Variants in B3GALT1 observed in about 807,000 individuals in gnomAD.
B3GALT1 encodes the protein UDP-Gal:betaGlcNAc beta 1,3-galactosyltransferase, polypeptide 1.
B3GALT1 carries 10 observed loss-of-function variants against 23.2 expected under a neutral mutation model. The observed-to-expected ratio is 0.43, with a 90% CI of 0.27 to 0.73. B3GALT1 has a LOEUF of 0.73. B3GALT1 is among the 30% of genes least tolerant of loss of function. The pLI is 0.21. For missense variants in B3GALT1, 299 were observed against 405.4 expected (o/e 0.74, Z 2.25); for synonymous variants, 156 against 141.5 (o/e 1.10, Z -0.73).
intron 1 of B3GALT1, among the ~76,000 whole-genome samples, chr2:167,298,853 T>A (rs912685051): frequency 6.6e-6 from 1 of 151,760 alleles, no homozygotes; most frequent in Admixed American, 6.6e-5. Context: ...TAAAAGCTAC[T>A]GCATTTTTTT....
At chr2:167,680,898 G>A (rs762995687) in intron 3 of B3GALT1, among the ~76,000 whole-genome samples, 4 of 152,104 alleles carry the variant, frequency 2.6e-5, no homozygotes, top group Non-Finnish European at 2.9e-5. Flanking sequence ...AATCTGATCC[G>A]ATATCAGAAA....
intron 4 of B3GALT1, among the ~76,000 whole-genome samples, chr2:167,838,361 C>A (rs1350643760): frequency 6.6e-6 from 1 of 152,280 alleles, no homozygotes; most frequent in African/African-American, 2.4e-5. Context: ...ACCGATCCCA[C>A]AGAAATACAA....
intron 1 of B3GALT1, among the ~76,000 whole-genome samples, chr2:167,317,554 C>T (rs920858077): frequency 6.6e-6 from 1 of 152,122 alleles, no homozygotes; most frequent in Admixed American, 6.5e-5. Context: ...TTCCAAAAGA[C>T]ACTTCTATAT....
chr2:167,688,862 C>T (rs1486140050), intron 3 of B3GALT1, among the ~76,000 whole-genome samples: 1 of 152,084 alleles, frequency 6.6e-6, no homozygotes, highest in Non-Finnish European at 1.5e-5. Context: ...CTGTAGTCAG[C>T]ATCCACAAGT....
chr2:167,661,594 C>T (rs1186416991), intron 3 of B3GALT1, among the ~76,000 whole-genome samples: 1 of 152,060 alleles, frequency 6.6e-6, no homozygotes, highest in Non-Finnish European at 1.5e-5. Flanking sequence ...GTACCAGAAG[C>T]ACCCATCTCC....
intron 1 of B3GALT1, among the ~76,000 whole-genome samples, chr2:167,489,657 G>A (rs890724200): frequency 1.3e-5 from 2 of 152,016 alleles, no homozygotes; most frequent in Admixed American, 6.6e-5. Context: ...GACTTGATGG[G>A]GTACTTTGGG....
At chr2:167,588,700 T>C (rs1684619504) in intron 2 of B3GALT1, among the ~76,000 whole-genome samples, 1 of 152,024 alleles carries the variant, frequency 6.6e-6, no homozygotes. Flanking sequence ...TTTGCTTATA[T>C]GTTTTTTCTA....
intron 2 of B3GALT1, among the ~76,000 whole-genome samples, chr2:167,576,685 G>A (rs1456879717): frequency 6.6e-6 from 1 of 151,626 alleles, no homozygotes; most frequent in Non-Finnish European, 1.5e-5. Flanking sequence ...CAGAGGAGCA[G>A]TGTTTATTAG....
chr2:167,416,141 A>C (rs535542366), intron 1 of B3GALT1, among the ~76,000 whole-genome samples: 1 of 152,338 alleles, frequency 6.6e-6, no homozygotes, highest in South Asian at 2.1e-4. Context: ...TGGTAGAAGA[A>C]GACCCTGGAA....
chr2:167,640,041 T>A (rs4999797), intron 2 of B3GALT1, among the ~76,000 whole-genome samples: 1 of 152,144 alleles, frequency 6.6e-6, no homozygotes, highest in Non-Finnish European at 1.5e-5. Context: ...TCAGCACTGC[T>A]ACAGGCAATA....
chr2:167,309,722 GATTTC>G lies in B3GALT1; in HGVS notation c.-511+16392_-511+16396del, dbSNP rs536379645. On this transcript the variant is annotated intron_variant, in intron 1 of 4. Transcript: ENST00000392690. ...AAAAGTTAAGTTGATAGTTTTGACA[GATTTC>G]ATTAGGCAAATACATATTTGACAAA... Among the ~76,000 whole-genome samples, 640 of 152,164 alleles carry G rather than the reference GATTTC, an allele frequency of 4.2e-3. 3 individuals carry two copies. The highest frequency in any genetic ancestry group is 0.014 in the African/African-American group (590 of 41,554).
intron 4 of B3GALT1, among the ~76,000 whole-genome samples, chr2:167,825,710 T>TAGAA (rs1689208133): frequency 1.3e-5 from 2 of 152,180 alleles, no homozygotes; most frequent in Admixed American, 1.3e-4. Context: ...CCAGCTCCTG[T>TAGAA]AGAAATGAGA....
chr2:167,534,612 A>C (rs1051042398), intron 2 of B3GALT1, among the ~76,000 whole-genome samples: 2 of 152,214 alleles, frequency 1.3e-5, no homozygotes, highest in African/African-American at 4.8e-5. Context: ...GAATGCATCA[A>C]AAAGAGATCC....
chr2:167,480,454 G>A (rs553116961), intron 1 of B3GALT1, among the ~76,000 whole-genome samples: 2 of 152,290 alleles, frequency 1.3e-5, no homozygotes, highest in East Asian at 3.9e-4. Flanking sequence ...AGGTTTCACA[G>A]CTAGGGCTGC....
At chr2:167,439,876 A>G (rs62194955) in intron 1 of B3GALT1, among the ~76,000 whole-genome samples, 4,308 of 150,980 alleles carry the variant, frequency 0.029, 88 homozygotes, top group Non-Finnish European at 0.046. Flanking sequence ...ACATTTTTCC[A>G]TTATCCCTCT....
chr2:167,708,478 T>C (rs1233956053), intron 3 of B3GALT1, among the ~76,000 whole-genome samples: 1 of 152,060 alleles, frequency 6.6e-6, no homozygotes, highest in African/African-American at 2.4e-5. Flanking sequence ...CTGACCAACA[T>C]GGAGAAACCC....
intron 3 of B3GALT1, among the ~76,000 whole-genome samples, chr2:167,664,301 G>C (rs946926275): frequency 6.6e-6 from 1 of 151,414 alleles, no homozygotes; most frequent in Non-Finnish European, 1.5e-5. Flanking sequence ...TGAGGGCTCT[G>C]TTCTGTTCCA....
At chr2:167,589,426 ATTAT>A (rs1684637394) in intron 2 of B3GALT1, among the ~76,000 whole-genome samples, 2 of 152,270 alleles carry the variant, frequency 1.3e-5, no homozygotes, top group Admixed American at 6.5e-5. Context: ...AAATGTGAAC[ATTAT>A]TTATAATTAT....
intron 2 of B3GALT1, among the ~76,000 whole-genome samples, chr2:167,586,157 G>A (rs2436052): frequency 1 from 152,166 of 152,382 alleles, 75,977 homozygotes; most frequent in East Asian, 1. Flanking sequence ...GTAAAAGTTT[G>A]CTTAAAAGTT....
Sources: allele counts gnomAD v4.1 joint callset (sites outside exome capture counted in the v4.1 genomes callset), GRCh38; gene constraint gnomAD v4.1.1; transcripts MANE v1.5; gene names NCBI Gene and HGNC (gene_info 2026-07-23, HGNC 2026-07-21).